SATL1: variants seen among roughly 807,000 people sequenced by gnomAD.
SATL1 encodes the protein spermidine/spermine N1-acetyl transferase like 1.
Under a neutral mutation model 51.8 loss-of-function variants are expected in SATL1, and 47 were observed. That is an observed-to-expected ratio of 0.91 (90% CI 0.72 to 1.16). The LOEUF is 1.16. SATL1 is among the 50% of genes most tolerant of loss of function. The probability of loss-of-function intolerance (pLI) is 0.00; values close to 1 mark genes in which losing one functional copy is unlikely to be tolerated. For synonymous variants in SATL1, 176 were observed against 182.4 expected, an observed-to-expected ratio of 0.97 and a Z score of 0.28; for missense variants, 520 against 526.4, an observed-to-expected ratio of 0.99 and a Z score of 0.12.
At chrX:85,169,710 T>C (rs1338367460) in intron 2 of SATL1, among the ~76,000 whole-genome samples, 1 of 111,718 alleles carries the variant, frequency 9.0e-6, no homozygotes, top group Non-Finnish European at 1.9e-5. Context: ...GAAAGTAGTG[T>C]TGTGATTCCT....
intron 2 of SATL1, among the ~76,000 whole-genome samples, chrX:85,127,658 T>C (rs936619850): frequency 2.7e-5 from 3 of 111,793 alleles, no homozygotes; most frequent in Non-Finnish European, 3.8e-5. Context: ...TTATTATTTT[T>C]ATTATACTTT....
intron 2 of SATL1, among the ~76,000 whole-genome samples, chrX:85,193,154 G>T (rs2147745833): frequency 8.9e-6 from 1 of 111,741 alleles, no homozygotes; most frequent in East Asian, 2.8e-4. Context: ...TTACCTAATT[G>T]ATTCCTGTTA....
intron 2 of SATL1, among the ~76,000 whole-genome samples, chrX:85,120,306 C>T (rs17252070): frequency 0.014 from 1,566 of 111,239 alleles, 13 homozygotes; most frequent in Non-Finnish European, 0.023. Context: ...GGAATGTCCC[C>T]GGTTTAGAAG....
chrX:85,188,225 C>T (rs766761587), intron 2 of SATL1, among the ~76,000 whole-genome samples: 2 of 111,318 alleles, frequency 1.8e-5, no homozygotes, highest in East Asian at 5.7e-4. Context: ...ATATGTTACC[C>T]TGTTTCTTTC....
chrX:85,167,601 C>T (rs1439333061), intron 2 of SATL1, among the ~76,000 whole-genome samples: 1 of 110,140 alleles, frequency 9.1e-6, no homozygotes, highest in Non-Finnish European at 1.9e-5. Context: ...AAATTGAATC[C>T]CCAAACAGAC....
chrX:85,139,877 A>C (rs996887570), intron 2 of SATL1, among the ~76,000 whole-genome samples: 17 of 111,700 alleles, frequency 1.5e-4, no homozygotes, highest in South Asian at 1.5e-3. Flanking sequence ...ACATTCAGAA[A>C]AGTATCATAA....
chrX:85,118,876 A>G (rs1925444431), intron 2 of SATL1, among the ~76,000 whole-genome samples: 1 of 111,673 alleles, frequency 9.0e-6, no homozygotes, highest in Non-Finnish European at 1.9e-5. Context: ...CGATAAATAT[A>G]TACAAGTTTT....
In SATL1 at chrX:85,108,228, G is replaced by A. The variant is rs111730253; in HGVS notation, c.741C>T (p.Asp247=). 2.1e-4 allele frequency: 255 copies of A among 1,210,065 alleles called. No individual in the cohort carries two copies. In the African/African-American group the frequency reaches 2.4e-3, roughly 12 times the overall value. ...AATCTGATAAACTTGATTGGTTTGC[G>A]TCTGGTTGGCTCATGTCTGTTTGGT... ...CKNQTDMSQP[D]ANQSSLSDSN... is the part of the protein sequence containing the mutation. The change falls in exon 3 of 8, where the codon GAC becomes GAT. Residue 247 remains aspartate (D), a synonymous_variant. Coordinates refer to ENST00000644105, the MANE Select transcript of SATL1 (RefSeq NM_001367857.2).
chrX:85,222,468 C>T (rs926049698), intron 2 of SATL1, among the ~76,000 whole-genome samples: 1 of 111,274 alleles, frequency 9.0e-6, no homozygotes, highest in Admixed American at 9.6e-5. Flanking sequence ...TTTGAATATA[C>T]CTGTCTTACC....
chrX:85,190,981 AG>A (rs1207948960), intron 2 of SATL1, among the ~76,000 whole-genome samples: 1 of 64,238 alleles, frequency 1.6e-5, no homozygotes, highest in Non-Finnish European at 3.0e-5. Flanking sequence ...GTGTAGGGGG[AG>A]GGGGGAGGGA....
At chrX:85,181,856 A>T (rs1369260757) in intron 2 of SATL1, among the ~76,000 whole-genome samples, 3 of 111,562 alleles carry the variant, frequency 2.7e-5, no homozygotes, top group African/African-American at 9.8e-5. Context: ...GAAAGATGCA[A>T]ATTCTTTTTA....
chrX:85,174,225 A>T (rs1242169207), intron 2 of SATL1, among the ~76,000 whole-genome samples: 1 of 110,795 alleles, frequency 9.0e-6, no homozygotes, highest in Non-Finnish European at 1.9e-5. Flanking sequence ...ATAGTGCCGC[A>T]ATAAACATAC....
intron 2 of SATL1, among the ~76,000 whole-genome samples, chrX:85,157,272 A>G (rs1926620228): frequency 9.0e-6 from 1 of 110,532 alleles, no homozygotes; most frequent in Admixed American, 9.7e-5. Context: ...GTGGCAAGAT[A>G]CTTTCTAGTT....
At chrX:85,213,438 T>C (rs775884990) in intron 2 of SATL1, among the ~76,000 whole-genome samples, 1 of 111,899 alleles carries the variant, frequency 8.9e-6, no homozygotes, top group Non-Finnish European at 1.9e-5. Flanking sequence ...AAACAGATTA[T>C]CAGCAGAAAG....
chrX:85,180,614 A>G (rs186607672), intron 2 of SATL1, among the ~76,000 whole-genome samples: 6 of 111,936 alleles, frequency 5.4e-5, no homozygotes, highest in Admixed American at 1.9e-4. Context: ...TTATCAAAGT[A>G]TATTCAATCT....
At position 85,109,036 on chromosome X, in the gene SATL1, T is replaced by C; in HGVS notation, c.-68A>G. ...GATGATGGGTTGGCAGACAACTGAT[T>C]GGCTGATGGCTGTCTTGATGGAACA... On this transcript the variant is annotated 5_prime_UTR_variant, in exon 3 of 8. Coordinates refer to ENST00000644105, the MANE Select transcript of SATL1 (RefSeq NM_001367857.2). 6 of 975,142 alleles carry C rather than the reference T, an allele frequency of 6.2e-6. No homozygotes were observed. In the South Asian group the frequency reaches 1.1e-4, roughly 18 times the overall value. 80.4% of individuals were successfully genotyped at this position (975,142 alleles called of 1,213,427 possible).
At chrX:85,150,335 C>CA (rs1926392120) in intron 2 of SATL1, among the ~76,000 whole-genome samples, 7 of 110,552 alleles carry the variant, frequency 6.3e-5, no homozygotes, top group African/African-American at 2.0e-4. Context: ...AGCTTACCAA[C>CA]CAAAAAGAGT....
chrX:85,186,479 C>CT (rs773831172), intron 2 of SATL1, among the ~76,000 whole-genome samples: 21 of 111,025 alleles, frequency 1.9e-4, no homozygotes, highest in Non-Finnish European at 3.6e-4. Flanking sequence ...CCCCAGAGCA[C>CT]TTTGGCACAT....
chrX:85,195,880 G>A (rs1927548640), intron 2 of SATL1, among the ~76,000 whole-genome samples: 1 of 110,724 alleles, frequency 9.0e-6, no homozygotes, highest in Non-Finnish European at 1.9e-5. Context: ...GTTCAGAACT[G>A]CATTTGACAA....
Sources: gnomAD v4.1 joint callset for allele counts (sites outside exome capture counted in the v4.1 genomes callset) on GRCh38, gnomAD v4.1.1 for gene constraint, MANE v1.5 for transcripts, NCBI Gene and HGNC (gene_info 2026-07-23, HGNC 2026-07-21) for gene names.